SDAD1: variants seen among roughly 807,000 people sequenced by gnomAD.
SDAD1 encodes protein SDA1 homolog.
A neutral mutation model predicts 100.3 loss-of-function variants in SDAD1; 79 were observed. The ratio of observed to expected loss-of-function variants is 0.79; its 90% confidence interval spans 0.66 to 0.95. The LOEUF (loss-of-function observed/expected upper bound fraction) is 0.95. Among genes scored for constraint, SDAD1 ranks in the 40% least tolerant of loss-of-function variants. The pLI is 0.00. For synonymous variants in SDAD1, 267 were observed against 271.4 expected, an observed-to-expected ratio of 0.98 and a Z score of 0.16; for missense variants, 790 against 810.9, an observed-to-expected ratio of 0.97 and a Z score of 0.31.
At chr4:75,967,151 G>A in intron 12 of SDAD1, 126 bp downstream of exon 12, 1 of 810,682 alleles carries the variant, frequency 1.2e-6, no homozygotes, top group Non-Finnish European at 2.0e-6. Flanking sequence ...GAAAACAAGG[G>A]CTTCTCTTCA....
chr4:75,956,231 C>CTAGG (rs1357866730), intron 20 of SDAD1, 95 bp from the exon 21 acceptor site: 1 of 1,377,656 alleles, frequency 7.3e-7, no homozygotes, highest in East Asian at 2.3e-5. Flanking sequence ...AGAAGCTCTA[C>CTAGG]TAGGTGCCAA....
In SDAD1 at chr4:75,975,839, C is replaced by T. The variant is rs143817880; in HGVS notation, c.483G>A (p.Leu161=). ...TTAACATGGTGTACATGAAATTTTG[C>T]AATACCTGCAGAAAAGGAGGAGAAA... The part of the protein sequence containing the change: ...KHKNNKVNVV[L]QNFMYTMLRD... Residue 161 remains leucine, a synonymous_variant, in exon 6 of 22, where the codon TTG becomes TTA. Transcript: ENST00000356260. 32 of 1,613,426 alleles carry T rather than the reference C, an allele frequency of 2.0e-5. No homozygotes were observed. The highest frequency in any genetic ancestry group is 1.3e-4 in the African/African-American group (10 of 74,904).
At chr4:75,954,928 G>A (rs184742470) in intron 21 of SDAD1, among the ~76,000 whole-genome samples, 10 of 152,212 alleles carry the variant, frequency 6.6e-5, no homozygotes, top group Non-Finnish European at 1.2e-4. Flanking sequence ...ATCTTGCCAC[G>A]GCTCTTGTAG....
intron 1 of SDAD1, among the ~76,000 whole-genome samples, chr4:75,987,711 A>G (rs910563804): frequency 2.8e-4 from 43 of 152,178 alleles, no homozygotes; most frequent in African/African-American, 1.0e-3. Context: ...CATGTTGGTC[A>G]GGCTGGTCTT....
chr4:75,989,257 C>G (rs73825597), intron 1 of SDAD1, among the ~76,000 whole-genome samples: 2,253 of 152,242 alleles, frequency 0.015, 46 homozygotes, highest in African/African-American at 0.05. Flanking sequence ...ATTCCTTGTA[C>G]CTAAAATGAT....
rs1728586188 is a variant in SDAD1, at chr4:75,950,776, A to G, written c.2038T>C (p.Leu680=). The G allele has an allele frequency of 1.3e-6, 2 of 1,592,824 alleles. No individual in the cohort carries two copies. Among genetic ancestry groups the G allele is most frequent in the Non-Finnish European group, 1.7e-6 (2 of 1,163,302 alleles). The part of the protein sequence containing the change: ...EKQLALRDAL[L]KKRKRMK ...TACTTCATTCTTTTTCTCTTTTTCA[A>G]AAGTGCATCTCGTAGTGCCAACTGT... The change falls in exon 22 of 22, where the codon TTG becomes CTG. Residue 680 remains leucine, a synonymous_variant. Coordinates refer to ENST00000356260, the MANE Select transcript of SDAD1 (RefSeq NM_018115.4).
At chr4:75,972,885 G>A (rs1729948154) in intron 8 of SDAD1, among the ~76,000 whole-genome samples, 2 of 151,940 alleles carry the variant, frequency 1.3e-5, no homozygotes, top group Non-Finnish European at 2.9e-5. Flanking sequence ...GCCAGGCGTG[G>A]TGGCGGGTGC....
intron 1 of SDAD1, among the ~76,000 whole-genome samples, chr4:75,988,648 C>T (rs1251518949): frequency 6.6e-6 from 1 of 152,148 alleles, no homozygotes. Context: ...GAATTTTTAT[C>T]GGTACAGCTC....
At chr4:75,950,938 A>G in intron 21 of SDAD1, 141 bp from the exon 22 acceptor site, 1 of 544,390 alleles carries the variant, frequency 1.8e-6, no homozygotes, top group East Asian at 2.8e-5. Context: ...ATATTCCAAA[A>G]CAGATCACAT....
At chr4:75,963,524 T>C (rs1352591684) in intron 14 of SDAD1, among the ~76,000 whole-genome samples, 5 of 152,228 alleles carry the variant, frequency 3.3e-5, no homozygotes, top group Admixed American at 6.5e-5. Flanking sequence ...TCCATGAGCA[T>C]GGAATGTTCT....
Position 75,950,528 on chromosome 4 carries a change from G to T in SDAD1, c.*222C>A. The T allele has an allele frequency of 2.2e-6, 1 of 456,796 alleles. No individual in the cohort carries two copies. Among genetic ancestry groups the T allele is most frequent in the Non-Finnish European group, 4.1e-6 (1 of 246,410 alleles). The allele number at this position is 456,796 out of a possible 1,614,324, so 28.3% of individuals were successfully genotyped here. A position where few individuals can be genotyped will look rare whatever the true frequency, so the allele number is the denominator to read the frequency against. ...AATACATACTTTTTTTTGCATGAAT[G>T]ATAAATGAAATGATTTTACATTACC... On this transcript the variant is annotated 3_prime_UTR_variant, in exon 22 of 22. Transcript: ENST00000356260.
intron 8 of SDAD1, among the ~76,000 whole-genome samples, chr4:75,972,645 GATA>G (rs1729930372): frequency 1.9e-5 from 1 of 52,638 alleles, no homozygotes; most frequent in Non-Finnish European, 3.4e-5. Flanking sequence ...AATGGGGAAG[GATA>G]ATTTTTTTTT....
chr4:75,965,515 A>T (rs1442891153), intron 13 of SDAD1, among the ~76,000 whole-genome samples: 1 of 152,038 alleles, frequency 6.6e-6, no homozygotes, highest in Non-Finnish European at 1.5e-5. Context: ...TCACTAATAA[A>T]ACCTTGCTGG....
rs1173494387 is a variant in SDAD1, at chr4:75,965,749, G to T, written c.1104+15C>A. 6.2e-7 allele frequency: 1 copy of T among 1,610,802 alleles called. No individual in the cohort carries two copies. The highest frequency in any genetic ancestry group is 1.1e-5 in the South Asian group (1 of 91,016). ...TCCATGCCCTAGGTCCAGAAGTCAG[G>T]TTACAGGTTCTCACCTCTGGGGGTA... On this transcript the variant is annotated intron_variant, in intron 13 of 21. Transcript: ENST00000356260.
At chr4:75,983,039 C>T (rs1238365273) in intron 1 of SDAD1, among the ~76,000 whole-genome samples, 3 of 151,784 alleles carry the variant, frequency 2.0e-5, no homozygotes, top group Non-Finnish European at 4.4e-5. Context: ...TGAGAACATG[C>T]GGTGTTTGGT....
At chr4:75,958,455 T>A (rs1197845120) in intron 17 of SDAD1, among the ~76,000 whole-genome samples, 1 of 152,218 alleles carries the variant, frequency 6.6e-6, no homozygotes, top group Non-Finnish European at 1.5e-5. Flanking sequence ...TGTTAAAGAA[T>A]CCTGAAGACA....
At chr4:75,985,971 T>C (rs989345944) in intron 1 of SDAD1, among the ~76,000 whole-genome samples, 1 of 152,124 alleles carries the variant, frequency 6.6e-6, no homozygotes, top group Non-Finnish European at 1.5e-5. Context: ...ATCACCTCCA[T>C]GCGTATACTT....
Position 75,982,026 on chromosome 4 carries a change from C to G in SDAD1, c.102G>C (p.Gln34His). ...CCACATTGGATTTGTAGTGATTATA[C>G]TGCTGTAGAAACTGCAGAAAAATAA... is the stretch of plus-strand genomic sequence containing the variant. The part of the protein sequence containing the change: ...PPAYIEEFLQ[Q>H]YNHYKSNVEI... The change falls in exon 2 of 22, where the codon CAG becomes CAC. Residue 34 changes from glutamine (Q) to histidine (H), a missense_variant. Physicochemically the swap from Gln to His is conservative, Grantham distance 24. Transcript: ENST00000356260. 1 of 1,606,180 alleles carries G rather than the reference C, an allele frequency of 6.2e-7. No homozygotes were observed. The highest frequency in any genetic ancestry group is 2.2e-5 in the East Asian group (1 of 44,728).
chr4:75,975,699 T>G (rs1003518069), intron 6 of SDAD1, 45 bp downstream of exon 6: 1 of 1,314,810 alleles, frequency 7.6e-7, no homozygotes, highest in African/African-American at 1.5e-5. Context: ...TAATTACAAA[T>G]GAAAAAAGAG....
Sources: gnomAD v4.1 joint callset for allele counts (sites outside exome capture counted in the v4.1 genomes callset) on GRCh38, gnomAD v4.1.1 for gene constraint, MANE v1.5 for transcripts, NCBI Gene and HGNC (gene_info 2026-07-23, HGNC 2026-07-21) for gene names.